RBBP6: variants seen among roughly 807,000 people sequenced by gnomAD.
The protein encoded by RBBP6 is RB binding protein 6, ubiquitin ligase, also known as E3 ubiquitin-protein ligase RBBP6.
Under a neutral mutation model 167.7 loss-of-function variants are expected in RBBP6, and 25 were observed. The ratio of observed to expected loss-of-function variants is 0.15; its 90% CI spans 0.11 to 0.21. The LOEUF is 0.21. RBBP6 is among the 10% of genes least tolerant of loss of function. The pLI is 1.00. For missense variants in RBBP6, 1,868 were observed against 2,134.2 expected (o/e 0.88, Z 2.46); for synonymous variants, 789 against 735.8 (o/e 1.07, Z -1.17).
At position 24,569,399 on chromosome 16, in the gene RBBP6, A is replaced by T. The variant is rs754698238; in HGVS notation, c.2709A>T (p.Ser903=). ...GTAGCAACTATCCAGAAAAGCTTTC[A>T]GCAAGAGATGGTCACAATCAGAAGG... The part of the protein sequence containing the change: ...NIGSNYPEKL[S]ARDGHNQKDN... Residue 903 remains serine, a synonymous_variant, in exon 17 of 18, where the codon TCA becomes TCT. Coordinates refer to ENST00000319715, the MANE Select transcript of RBBP6 (RefSeq NM_006910.5). The T allele has an allele frequency of 3.1e-6, 5 of 1,614,192 alleles. No homozygotes were observed. Among genetic ancestry groups the T allele is most frequent in the Non-Finnish European group, 4.2e-6 (5 of 1,180,036 alleles).
rs145113514 is a variant in RBBP6 at position 24,540,888 on chromosome 16, G to A, written c.166+96G>A. On this transcript the variant is annotated intron_variant, in intron 1 of 17. Transcript: ENST00000319715. ...AGCTAACCGCCATTATGTCTCTAGT[G>A]GGGACTGTTCGTTCTAGTACTTTGG... The A allele has an allele frequency of 1.4e-4, 194 of 1,434,946 alleles. No homozygotes were observed. In the African/African-American group the frequency reaches 2.4e-3, roughly 18 times the overall value. The allele number at this position is 1,434,946 out of a possible 1,614,324, so 88.9% of individuals were successfully genotyped here. A position where few individuals can be genotyped will look rare whatever the true frequency, so the allele number is the denominator to read the frequency against.
At position 24,571,557 on chromosome 16, in the gene RBBP6, A is replaced by C; in HGVS notation, c.4491A>C (p.Arg1497=). Residue 1497 remains arginine (R), a synonymous_variant, in exon 18 of 18, where the codon CGA becomes CGC. Coordinates refer to ENST00000319715, the MANE Select transcript of RBBP6 (RefSeq NM_006910.5). ...RRDEKNELTR[R]KDSPSRNKDS... ...ATGAAAAGAATGAATTAACAAGACG[A>C]AAAGACTCTCCTTCTCGGAATAAAG... 3 of 1,613,630 alleles carry C rather than the reference A, an allele frequency of 1.9e-6. No homozygotes were observed. Among genetic ancestry groups the C allele is most frequent in the Non-Finnish European group, 2.5e-6 (3 of 1,179,886 alleles).
rs779525426 is a variant in RBBP6 at position 24,561,883 on chromosome 16, T to A, written c.1011T>A (p.Pro337=). Residue 337 remains proline, a synonymous_variant, in exon 10 of 18, where the codon CCT becomes CCA. Transcript: ENST00000319715. ...CAAAAAGACTACGAAAACAGTTACCTCCTCCACCACCCCCAATACCACCTC... is the reference window on the plus strand; with the variant it reads ...CAAAAAGACTACGAAAACAGTTACCACCTCCACCACCCCCAATACCACCTC... The part of the protein sequence containing the change: ...GYTKRLRKQL[P]PPPPPIPPPR... 1.2e-6 allele frequency: 2 copies of A among 1,613,812 alleles called. No homozygotes were observed. The highest frequency in any genetic ancestry group is 1.7e-5 in the Admixed American group (1 of 59,984).
At position 24,569,893 on chromosome 16, in the gene RBBP6, A is replaced by G; in HGVS notation, c.3203A>G (p.Lys1068Arg). ...PIKKAKEETP[K>R]TDNTKSSSSS... ...AAAAAAGCCAAAGAGGAGACTCCGA[A>G]GACTGACAATACTAAATCATCATCT... Residue 1068 changes from lysine to arginine, a missense_variant, in exon 17 of 18, where the codon AAG (lysine) becomes AGG (arginine). Transcript: ENST00000319715. 6.2e-7 allele frequency: 1 copy of G among 1,610,984 alleles called. No individual in the cohort carries two copies. Among genetic ancestry groups the G allele is most frequent in the Non-Finnish European group, 8.5e-7 (1 of 1,179,360 alleles).
rs761606253 is a variant in RBBP6, at chr16:24,571,677, A to T, written c.4611A>T (p.Ser1537=). The T allele has an allele frequency of 4.6e-5, 74 of 1,614,034 alleles. No individual in the cohort carries two copies. The Admixed American group carries it at 7.5e-4, about 16-fold the overall frequency. The stretch of plus-strand genomic sequence containing the variant: ...CCAAAAAAAGTAATTCTAGTCCCTC[A>T]AGAGACAGAAAACCTCATGATCACA... ...GDSKKSNSSP[S]RDRKPHDHKA... The change falls in exon 18 of 18, where the codon TCA becomes TCT. Residue 1537 remains serine (S), a synonymous_variant. Coordinates refer to ENST00000319715, the MANE Select transcript of RBBP6 (RefSeq NM_006910.5).
intron 8 of RBBP6, among the ~76,000 whole-genome samples, chr16:24,560,466 T>C (rs769790723): frequency 3.9e-5 from 6 of 152,240 alleles, no homozygotes; most frequent in Non-Finnish European, 8.8e-5. Context: ...AAATCACTTA[T>C]ATTAGCACTT....
rs770468894 is a variant in RBBP6, at chr16:24,571,238, G to A, written c.4172G>A (p.Ser1391Asn). The change falls in exon 18 of 18, where the codon AGT becomes AAT. Residue 1391 changes from serine (S) to asparagine (N), a missense_variant. Physicochemically the swap from Ser to Asn is conservative, Grantham distance 46. Around this residue, in one of 7 missense-constraint regions of RBBP6, gnomAD observed 591 missense variants for 540.5 expected, o/e 1.09. Transcript: ENST00000319715. ...SHEIIQHEVKSSKNSASSEKG... is the reference protein window; with the variant it reads ...SHEIIQHEVKNSKNSASSEKG... ...GAAATCATACAACATGAGGTTAAAA[G>A]TTCAAAAAACTCTGCATCTAGTGAA... The A allele has an allele frequency of 6.2e-7, 1 of 1,612,442 alleles. No homozygotes were observed. Among genetic ancestry groups the A allele is most frequent in the Non-Finnish European group, 8.5e-7 (1 of 1,179,652 alleles).
intron 13 of RBBP6, 23 bp from the exon 14 acceptor site, chr16:24,564,774 C>T: frequency 1.2e-6 from 2 of 1,609,550 alleles, no homozygotes; most frequent in South Asian, 2.2e-5. Flanking sequence ...ATACTTGAGC[C>T]TATTTTTTTT....
chr16:24,557,916 T>G (rs1336908491), intron 7 of RBBP6, among the ~76,000 whole-genome samples: 2 of 152,186 alleles, frequency 1.3e-5, no homozygotes, highest in South Asian at 2.1e-4. Context: ...GATAAGAATG[T>G]TTTCCTAAAC....
At chr16:24,553,488 T>A in intron 3 of RBBP6, 25 bp from the exon 4 acceptor site, 1 of 1,606,148 alleles carries the variant, frequency 6.2e-7, no homozygotes, top group Non-Finnish European at 8.5e-7. Flanking sequence ...GGAACTTGAA[T>A]GTGTGTTTAA....
At chr16:24,551,287 C>CTT (rs879669676) in intron 3 of RBBP6, among the ~76,000 whole-genome samples, 2 of 151,820 alleles carry the variant, frequency 1.3e-5, no homozygotes, top group African/African-American at 4.8e-5. Context: ...TTTGTGAGGA[C>CTT]TTTAAGTGGC....
Position 24,543,556 on chromosome 16 carries a change from G to T in RBBP6, c.167-2607G>T, listed in dbSNP as rs182746281. Among the ~76,000 whole-genome samples the T allele has an allele frequency of 2.4e-3, 371 of 152,112 alleles. 1 individual carries two copies. The highest frequency in any genetic ancestry group is 8.7e-3 in the African/African-American group (362 of 41,480). On this transcript the variant is annotated intron_variant, in intron 1 of 17. Transcript: ENST00000319715. ...TGTTCTCCTGCCTTGGCCTCCCAAG[G>T]CCATCCCAAAGTGCTGGGATTATAG...
Position 24,553,573 on chromosome 16 carries a change from TA to T in RBBP6, c.348+17del, listed in dbSNP as rs34671734. 6.5e-7 allele frequency: 1 copy of T among 1,534,644 alleles called. No individual in the cohort carries two copies. Reference sequence around the variant, plus strand: ...GCTTACAAAGGTATATATATATATATATTCTTGAAAATATAAGTTTTTTTCT... The same window carrying T: ...GCTTACAAAGGTATATATATATATATTTCTTGAAAATATAAGTTTTTTTCT... On this transcript the variant is annotated intron_variant, in intron 4 of 17. Transcript: ENST00000319715.
At chr16:24,557,156 G>A (rs543230073) in intron 7 of RBBP6, among the ~76,000 whole-genome samples, 1 of 151,758 alleles carries the variant, frequency 6.6e-6, no homozygotes, top group Non-Finnish European at 1.5e-5. Context: ...CCGCCACCAC[G>A]CCCGGCTAAT....
intron 7 of RBBP6, among the ~76,000 whole-genome samples, chr16:24,557,827 A>G (rs1256230859): frequency 6.6e-6 from 1 of 152,200 alleles, no homozygotes; most frequent in African/African-American, 2.4e-5. Flanking sequence ...GATGATGAAA[A>G]TAGCTATGCC....
At chr16:24,547,977 C>T (rs1349226701) in intron 2 of RBBP6, among the ~76,000 whole-genome samples, 5 of 151,660 alleles carry the variant, frequency 3.3e-5, no homozygotes, top group Non-Finnish European at 7.4e-5. Flanking sequence ...AATAAATTTG[C>T]CTCATAAAAT....
In RBBP6 at chr16:24,569,607, T is replaced by C. The variant is rs767509995; in HGVS notation, c.2917T>C (p.Ser973Pro). The change falls in exon 17 of 18, where the codon TCA becomes CCA. Residue 973 changes from serine (S) to proline (P), a missense_variant. Physicochemically the swap from Ser to Pro is moderately conservative, Grantham distance 74 (BLOSUM62 -1). Transcript: ENST00000319715. ...AGGTGTTGAAGAAAATAAAACAGAC[T>C]CATTGTTTGTTCTCCCAAGTAGAGA... is the stretch of plus-strand genomic sequence containing the variant. ...PTGVEENKTD[S>P]LFVLPSRDDA... 5 of 1,612,048 alleles carry C rather than the reference T, an allele frequency of 3.1e-6. No individual in the cohort carries two copies. In the Admixed American group the frequency reaches 5.0e-5, roughly 16 times the overall value.
At position 24,571,844 on chromosome 16, in the gene RBBP6, C is replaced by T. The variant is rs1899348131; in HGVS notation, c.4778C>T (p.Pro1593Leu). 1.2e-6 allele frequency: 2 copies of T among 1,614,054 alleles called. No individual in the cohort carries two copies. The highest frequency in any genetic ancestry group is 1.7e-6 in the Non-Finnish European group (2 of 1,179,992). ...AATAAACTACTTTATATACTTAACC[C>T]ACCAGAGACACAGGTTGAAAAAGAG... ...SGNKLLYILNPPETQVEKEQI... is the reference protein window; with the variant it reads ...SGNKLLYILNLPETQVEKEQI... Residue 1593 changes from proline (P) to leucine (L), a missense_variant, in exon 18 of 18, where the codon CCA becomes CTA. By Grantham distance (98) the Pro-to-Leu change is moderately conservative (BLOSUM62 -3). Coordinates refer to ENST00000319715, the MANE Select transcript of RBBP6 (RefSeq NM_006910.5).
At chr16:24,542,498 A>T (rs1473358942) in intron 1 of RBBP6, among the ~76,000 whole-genome samples, 1 of 149,886 alleles carries the variant, frequency 6.7e-6, no homozygotes, top group Non-Finnish European at 1.5e-5. Flanking sequence ...TCACTCTGTC[A>T]CCCAGGCTGG....
Sources: gnomAD v4.1 joint callset for allele counts (sites outside exome capture counted in the v4.1 genomes callset) on GRCh38, gnomAD v4.1.1 for gene constraint, gnomAD v4.1.1 regional missense constraint, MANE v1.5 for transcripts, NCBI Gene and HGNC (gene_info 2026-07-23, HGNC 2026-07-21) for gene names.